The following CMC2 variants were observed in gnomAD, a reference collection of about 807,000 sequenced individuals.
The protein encoded by CMC2 is COX assembly mitochondrial protein 2 homolog.
In CMC2, 5 loss-of-function variants were observed where a neutral mutation model predicts 7.5. The ratio of observed to expected loss-of-function variants is 0.66; its 90% CI spans 0.35 to 1.40. The LOEUF (loss-of-function observed/expected upper bound fraction) is 1.40. Among genes scored for constraint, CMC2 ranks in the 40% most tolerant of loss-of-function variants. The pLI is 0.04. For synonymous variants in CMC2, 37 were observed against 31.4 expected, an observed-to-expected ratio of 1.18 and a Z score of -0.60; for missense variants, 115 against 92.3, an observed-to-expected ratio of 1.25 and a Z score of -1.01.
intron 2 of CMC2, chr16:80,996,926 T>A: frequency 2.5e-6 from 1 of 393,016 alleles, no homozygotes; most frequent in Non-Finnish European, 5.0e-6. Flanking sequence ...CTATTACCAT[T>A]AAACACAGAA....
chr16:81,004,294 G>C (rs1416204268), intron 1 of CMC2, among the ~76,000 whole-genome samples: 1 of 152,160 alleles, frequency 6.6e-6, no homozygotes. Context: ...CCTCGTTCTT[G>C]GATGTTTCCA....
intron 3 of CMC2, 130 bp from the exon 4 acceptor site, chr16:80,976,309 C>A (rs552966787): frequency 6.9e-6 from 4 of 576,974 alleles, no homozygotes; most frequent in African/African-American, 5.7e-5. Context: ...ATTTTTTAAA[C>A]ATGTTCTTAC....
chr16:81,000,967 T>G (rs1968820217), intron 1 of CMC2, among the ~76,000 whole-genome samples: 1 of 152,194 alleles, frequency 6.6e-6, no homozygotes. Context: ...AGTAATGGAT[T>G]GGATAAAGAA....
intron 2 of CMC2, among the ~76,000 whole-genome samples, chr16:80,990,683 T>G (rs374954303): frequency 6.9e-4 from 105 of 152,320 alleles, no homozygotes; most frequent in African/African-American, 2.4e-3. Flanking sequence ...TCACGAAATA[T>G]ATCCTGGAAG....
At chr16:80,988,409 T>C in intron 2 of CMC2, 1 of 608,254 alleles carries the variant, frequency 1.6e-6, no homozygotes, top group South Asian at 2.0e-5. Context: ...AGGTAAAGTA[T>C]TTCTTGATGA....
rs1912079797 is a variant in CMC2, at chr16:80,973,589, A to G, written c.*2504T>C. Reference sequence around the variant, plus strand: ...CATAACCACTCCCTAAAACTTTCTAATGGTTTTCCATTATGCTCCAAATAA... The same window carrying G: ...CATAACCACTCCCTAAAACTTTCTAGTGGTTTTCCATTATGCTCCAAATAA... On this transcript the variant is annotated 3_prime_UTR_variant, in exon 4 of 4. Transcript: ENST00000219400. The G allele has an allele frequency of 6.6e-6, 1 of 152,198 alleles. No individual in the cohort carries two copies. The allele number at this position is 152,198 out of a possible 1,614,324, so 9.4% of individuals were successfully genotyped here.
At chr16:80,991,794 T>C (rs914091357) in intron 2 of CMC2, 7 of 370,060 alleles carry the variant, frequency 1.9e-5, no homozygotes, top group Middle Eastern at 3.8e-4. Flanking sequence ...CCCAATCCAA[T>C]TATGAGGAAA....
chr16:80,988,162 T>C (rs1967686567), intron 2 of CMC2, among the ~76,000 whole-genome samples: 1 of 152,146 alleles, frequency 6.6e-6, no homozygotes, highest in South Asian at 2.1e-4. Context: ...CGAGCCTGGG[T>C]GACAGAGTGA....
Position 80,972,833 on chromosome 16 carries a change from G to A in CMC2, c.*3260C>T, listed in dbSNP as rs947860165. On this transcript the variant is annotated 3_prime_UTR_variant, in exon 4 of 4. Transcript: ENST00000219400. ...GCAGGAAAGCCAGACTCCCTAAGAG[G>A]ACACAGATGGTCCTTCGTGATGTGA... 1.1e-4 allele frequency: 16 copies of A among 152,232 alleles called. No homozygotes were observed. Among genetic ancestry groups the A allele is most frequent in the Non-Finnish European group, 2.2e-4 (15 of 68,092 alleles). 9.4% of individuals were successfully genotyped at this position (152,232 alleles called of 1,614,324 possible). A position where few individuals can be genotyped will look rare whatever the true frequency, so the allele number is the denominator to read the frequency against.
chr16:80,985,901 C>A lies in CMC2; in HGVS notation c.82-4024G>T, dbSNP rs369851560. 3.2e-3 allele frequency among the ~76,000 whole-genome samples: 332 copies of A among 104,940 alleles called. 1 individual carries two copies. Among genetic ancestry groups the A allele is most frequent in the South Asian group, 4.7e-3 (11 of 2,340 alleles). The allele number at this position is 104,940 out of a possible 152,430, so 68.8% of individuals were successfully genotyped here. On this transcript the variant is annotated intron_variant, in intron 2 of 3. Coordinates refer to ENST00000219400, the MANE Select transcript of CMC2 (RefSeq NM_020188.5). ...GAAATATCATTCTCCCATATACCTG[C>A]AAAAAAAAAAAAAAAAACCACAGGA... is the stretch of plus-strand genomic sequence containing the variant.
intron 2 of CMC2, among the ~76,000 whole-genome samples, chr16:80,990,973 C>T (rs781609210): frequency 5.3e-5 from 8 of 151,614 alleles, no homozygotes; most frequent in South Asian, 2.1e-4. Flanking sequence ...GCAATCCTCC[C>T]GCCTCAGACT....
chr16:80,976,574 G>C (rs1912383095), intron 3 of CMC2, among the ~76,000 whole-genome samples: 1 of 149,718 alleles, frequency 6.7e-6, no homozygotes, highest in Non-Finnish European at 1.5e-5. Context: ...ACCTCTAGTG[G>C]AGAGGCTCAC....
chr16:80,977,227 C>A (rs1397308645), intron 3 of CMC2, among the ~76,000 whole-genome samples: 5 of 152,192 alleles, frequency 3.3e-5, no homozygotes, highest in African/African-American at 4.8e-5. Context: ...GTTTTCACCT[C>A]AAGAGGTTTT....
Position 80,988,537 on chromosome 16 carries a change from T to C in CMC2, c.82-6660A>G, listed in dbSNP as rs1034517953. ...AAATTTGCTTTATCCTTCTAGCTCT[T>C]ACATATACACCCGAGCTTTTCTTCT... is the stretch of plus-strand genomic sequence containing the variant. On this transcript the variant is annotated intron_variant, in intron 2 of 3. Transcript: ENST00000219400. The C allele has an allele frequency of 8.6e-6, 6 of 701,724 alleles. No individual in the cohort carries two copies. In the African/African-American group the frequency reaches 8.7e-5, roughly 10 times the overall value. The allele number at this position is 701,724 out of a possible 1,614,324, so 43.5% of individuals were successfully genotyped here. A position where few individuals can be genotyped will look rare whatever the true frequency, so the allele number is the denominator to read the frequency against.
intron 2 of CMC2, among the ~76,000 whole-genome samples, chr16:80,992,704 C>CTTTTT (rs1567523554): frequency 7.8e-6 from 1 of 127,448 alleles, no homozygotes; most frequent in African/African-American, 3.4e-5. Flanking sequence ...TATTCCCCCT[C>CTTTTT]CTTTTTTTTT....
rs1018162314 is a variant in CMC2, at chr16:80,968,637, G to C, written c.*7456C>G. On this transcript the variant is annotated 3_prime_UTR_variant, in exon 4 of 4. Coordinates refer to ENST00000219400, the MANE Select transcript of CMC2 (RefSeq NM_020188.5). ...TTTTATGTACAGGATATCTGTTTCT[G>C]GTAAAATAGCTCATTAGGTAATCTG... The C allele has an allele frequency of 6.6e-6, 1 of 152,070 alleles. No homozygotes were observed. Among genetic ancestry groups the C allele is most frequent in the Non-Finnish European group, 1.5e-5 (1 of 68,036 alleles). 9.4% of individuals were successfully genotyped at this position (152,070 alleles called of 1,614,324 possible). A position where few individuals can be genotyped will look rare whatever the true frequency, so the allele number is the denominator to read the frequency against.
At chr16:80,985,511 A>G (rs1158377940) in intron 2 of CMC2, among the ~76,000 whole-genome samples, 1 of 152,232 alleles carries the variant, frequency 6.6e-6, no homozygotes, top group Non-Finnish European at 1.5e-5. Context: ...ATTATAATTT[A>G]TCATTGTAAT....
chr16:80,979,609 T>C (rs1480333242), intron 3 of CMC2, among the ~76,000 whole-genome samples: 1 of 151,484 alleles, frequency 6.6e-6, no homozygotes, highest in African/African-American at 2.4e-5. Flanking sequence ...TTATTTATTT[T>C]TTATTTTATT....
In CMC2 at chr16:80,968,685, A is replaced by G. The variant is rs1028578456; in HGVS notation, c.*7408T>C. 1.3e-5 allele frequency: 2 copies of G among 152,248 alleles called. No homozygotes were observed. The highest frequency in any genetic ancestry group is 2.9e-5 in the Non-Finnish European group (2 of 68,046). The allele number at this position is 152,248 out of a possible 1,614,324, so 9.4% of individuals were successfully genotyped here. A position where few individuals can be genotyped will look rare whatever the true frequency, so the allele number is the denominator to read the frequency against. ...CTGAAAACACTCCTGCTAAAAAGCT[A>G]TCTACAAATACTAGATAGCATATAT... On this transcript the variant is annotated 3_prime_UTR_variant, in exon 4 of 4. Transcript: ENST00000219400.
Sources: allele counts gnomAD v4.1 joint callset (sites outside exome capture counted in the v4.1 genomes callset), GRCh38; gene constraint gnomAD v4.1.1; transcripts MANE v1.5; gene names NCBI Gene and HGNC (gene_info 2026-07-23, HGNC 2026-07-21).